PTPRD: variants seen among roughly 807,000 people sequenced by gnomAD.
PTPRD encodes protein tyrosine phosphatase receptor type D, also known as receptor-type tyrosine-protein phosphatase delta.
In PTPRD, 34 loss-of-function variants were observed where a neutral mutation model predicts 214.5. That is an observed-to-expected ratio of 0.16 (90% confidence interval 0.12 to 0.21). The LOEUF is 0.21. Ranked by LOEUF, PTPRD falls within the 10% of genes least tolerant of loss-of-function variation. The pLI is 1.00. For synonymous variants in PTPRD, 1,128 were observed against 845.7 expected (o/e 1.33, Z -5.79); for missense variants, 2,545 against 2,398.7 (o/e 1.06, Z -1.27).
At chr9:10,256,508 G>T (rs773484810) in intron 3 of PTPRD, among the ~76,000 whole-genome samples, 1 of 152,028 alleles carries the variant, frequency 6.6e-6, no homozygotes, top group Non-Finnish European at 1.5e-5. Context: ...GACCATTGGG[G>T]TATATGTGGT....
At chr9:8,625,015 G>A (rs1466659222) in intron 14 of PTPRD, among the ~76,000 whole-genome samples, 3 of 151,748 alleles carry the variant, frequency 2.0e-5, no homozygotes, top group Non-Finnish European at 4.4e-5. Context: ...ACCTGTTCAT[G>A]CCACAAATAT....
At chr9:8,793,186 T>C (rs986552860) in intron 11 of PTPRD, among the ~76,000 whole-genome samples, 1 of 152,146 alleles carries the variant, frequency 6.6e-6, no homozygotes, top group Non-Finnish European at 1.5e-5. Flanking sequence ...TGCCATACAA[T>C]GATGGTATGT....
At chr9:10,131,106 C>A (rs1484940581) in intron 3 of PTPRD, among the ~76,000 whole-genome samples, 1 of 152,114 alleles carries the variant, frequency 6.6e-6, no homozygotes, top group Non-Finnish European at 1.5e-5. Flanking sequence ...GAGGAGGTCA[C>A]AGAAAACTGG....
chr9:8,972,004 T>C (rs1433472103), intron 11 of PTPRD, among the ~76,000 whole-genome samples: 1 of 151,724 alleles, frequency 6.6e-6, no homozygotes, highest in Non-Finnish European at 1.5e-5. Context: ...TCACAAAATT[T>C]AAATTATTTA....
At chr9:8,516,845 C>A (rs2097789778) in intron 21 of PTPRD, among the ~76,000 whole-genome samples, 1 of 145,832 alleles carries the variant, frequency 6.9e-6, no homozygotes, top group African/African-American at 2.5e-5. Flanking sequence ...TTGCTGTCAC[C>A]CAGGCTGGAG....
intron 34 of PTPRD, chr9:8,437,157 G>A: frequency 1.4e-6 from 2 of 1,415,238 alleles, no homozygotes; most frequent in South Asian, 1.3e-5. Flanking sequence ...TAGCTTGATA[G>A]TAAACATAAA....
At chr9:9,146,872 C>T (rs1239973254) in intron 10 of PTPRD, among the ~76,000 whole-genome samples, 1 of 152,156 alleles carries the variant, frequency 6.6e-6, no homozygotes, top group Non-Finnish European at 1.5e-5. Flanking sequence ...TGCTTACTAA[C>T]TCCAGGTGGC....
intron 7 of PTPRD, among the ~76,000 whole-genome samples, chr9:9,655,274 T>G (rs935988514): frequency 1.3e-5 from 2 of 152,026 alleles, no homozygotes; most frequent in African/African-American, 4.8e-5. Flanking sequence ...ACAATCTGAT[T>G]AAAAAATGCT....
At chr9:9,714,162 G>C (rs1027730364) in intron 7 of PTPRD, among the ~76,000 whole-genome samples, 1 of 150,394 alleles carries the variant, frequency 6.6e-6, no homozygotes, top group African/African-American at 2.4e-5. Flanking sequence ...TGTATTTAAA[G>C]CTGAAATGAA....
At chr9:9,966,535 G>C (rs901103972) in intron 4 of PTPRD, among the ~76,000 whole-genome samples, 2 of 140,194 alleles carry the variant, frequency 1.4e-5, no homozygotes, top group African/African-American at 2.5e-5. Flanking sequence ...ATTAAAATAA[G>C]GATCTCCACA....
At chr9:10,401,326 A>G (rs1014584732) in intron 2 of PTPRD, among the ~76,000 whole-genome samples, 2 of 151,560 alleles carry the variant, frequency 1.3e-5, no homozygotes, top group African/African-American at 4.8e-5. Context: ...GAAGTAATTT[A>G]CTTGAAGTGA....
intron 5 of PTPRD, among the ~76,000 whole-genome samples, chr9:9,825,332 G>A (rs971046791): frequency 1.3e-5 from 2 of 150,992 alleles, no homozygotes; most frequent in African/African-American, 4.9e-5. Context: ...AAGAGAGAGA[G>A]AAAGAGACAA....
At chr9:10,233,421 A>C (rs1452371598) in intron 3 of PTPRD, among the ~76,000 whole-genome samples, 1 of 151,996 alleles carries the variant, frequency 6.6e-6, no homozygotes, top group South Asian at 2.1e-4. Context: ...CTCATCCAAC[A>C]ATTTTTTTCA....
chr9:9,474,342 T>A (rs892020445), intron 8 of PTPRD, among the ~76,000 whole-genome samples: 2 of 150,176 alleles, frequency 1.3e-5, no homozygotes, highest in African/African-American at 2.5e-5. Flanking sequence ...TATCATGCCG[T>A]ATTGATTATG....
At chr9:9,286,023 C>T (rs1193622002) in intron 9 of PTPRD, among the ~76,000 whole-genome samples, 1 of 151,726 alleles carries the variant, frequency 6.6e-6, no homozygotes, top group Admixed American at 6.6e-5. Context: ...CATTGCCATC[C>T]CCCACCCGAT....
rs145083354 is a variant in PTPRD, at chr9:9,368,916, C to A, written c.-203+28533G>T. Among the ~76,000 whole-genome samples the A allele has an allele frequency of 3.6e-3, 553 of 152,060 alleles. 3 individuals carry two copies. The highest frequency in any genetic ancestry group is 0.013 in the African/African-American group (539 of 41,504). ...CCTAATGTTATCCCTCCCCACTCCC[C>A]ACACCCCACAACAGTCCCCAGTGTA... On this transcript the variant is annotated intron_variant, in intron 9 of 45. Transcript: ENST00000381196.
intron 2 of PTPRD, among the ~76,000 whole-genome samples, chr9:10,432,186 A>T (rs2098686563): frequency 6.6e-6 from 1 of 150,832 alleles, no homozygotes. Context: ...TATCGCAAGA[A>T]CAAAAAACCA....
chr9:10,563,443 A>T (rs959027006), intron 2 of PTPRD, among the ~76,000 whole-genome samples: 1 of 152,052 alleles, frequency 6.6e-6, no homozygotes, highest in Non-Finnish European at 1.5e-5. Flanking sequence ...CAGTCCTAAG[A>T]CTCAAATCAT....
At chr9:9,535,840 G>A (rs563490900) in intron 8 of PTPRD, among the ~76,000 whole-genome samples, 15 of 152,152 alleles carry the variant, frequency 9.9e-5, no homozygotes, top group African/African-American at 3.4e-4. Context: ...GGAGGGGTGT[G>A]TGTGTACACA....
Sources: allele counts gnomAD v4.1 joint callset (sites outside exome capture counted in the v4.1 genomes callset), GRCh38; gene constraint gnomAD v4.1.1; transcripts MANE v1.5; gene names NCBI Gene and HGNC (gene_info 2026-07-23, HGNC 2026-07-21).